GOLM2: variants seen among roughly 807,000 people sequenced by gnomAD.
GOLM2 encodes protein GOLM2.
In GOLM2, 26 loss-of-function variants were observed where a neutral mutation model predicts 55.9. The ratio of observed to expected loss-of-function variants is 0.47; its 90% CI spans 0.34 to 0.65. GOLM2 has a LOEUF of 0.65. Among genes scored for constraint, GOLM2 ranks in the 30% least tolerant of loss-of-function variants. The pLI, the probability that GOLM2 is intolerant of heterozygous loss-of-function variation, is 0.01. For missense variants in GOLM2, 486 were observed against 531.8 expected, an observed-to-expected ratio of 0.91 and a Z score of 0.85; for synonymous variants, 165 against 194.6, an observed-to-expected ratio of 0.85 and a Z score of 1.27.
intron 8 of GOLM2, among the ~76,000 whole-genome samples, chr15:44,385,002 T>C (rs2079432469): frequency 6.6e-6 from 1 of 152,194 alleles, no homozygotes; most frequent in African/African-American, 2.4e-5. Flanking sequence ...TGCTGTAGCA[T>C]GTAGCATCTA....
chr15:44,369,932 C>T (rs181733614), intron 6 of GOLM2, among the ~76,000 whole-genome samples: 10 of 152,218 alleles, frequency 6.6e-5, no homozygotes, highest in Admixed American at 5.2e-4. Flanking sequence ...CAAGGTCCCA[C>T]ATTAGGTTGT....
intron 1 of GOLM2, among the ~76,000 whole-genome samples, chr15:44,302,208 G>A (rs917400258): frequency 4.9e-5 from 7 of 144,082 alleles, no homozygotes; most frequent in East Asian, 2.2e-4. Flanking sequence ...GCAGTGTCAC[G>A]ATCTTGGCTC....
rs2079070435 is a variant in GOLM2, at chr15:44,338,287, G to A, written c.772G>A (p.Asp258Asn). The A allele has an allele frequency of 1.2e-6, 2 of 1,613,822 alleles. No individual in the cohort carries two copies. Among genetic ancestry groups the A allele is most frequent in the Non-Finnish European group, 1.7e-6 (2 of 1,179,802 alleles). The change falls in exon 6 of 10, where the codon GAC (aspartate) becomes AAC (asparagine). Residue 258 changes from aspartate to asparagine, a missense_variant. Asp to Asn is a conservative substitution (Grantham distance 23). Coordinates refer to ENST00000299957, the MANE Select transcript of GOLM2 (RefSeq NM_138423.4). ...DAGMPGIEEN[D>N]LAKVDDLPPA... ...AGGGATGCCTGGAATAGAAGAGAATGACCTAGCAAAAGTTGATGATCTTCC... is the reference window on the plus strand; with the variant it reads ...AGGGATGCCTGGAATAGAAGAGAATAACCTAGCAAAAGTTGATGATCTTCC...
chr15:44,331,009 G>T (rs1399617144), intron 3 of GOLM2, among the ~76,000 whole-genome samples: 2 of 151,826 alleles, frequency 1.3e-5, no homozygotes, highest in Non-Finnish European at 2.9e-5. Flanking sequence ...TTTTTGTTTT[G>T]TGTTTTGTGT....
At chr15:44,375,101 T>C (rs1039108986) in intron 6 of GOLM2, among the ~76,000 whole-genome samples, 2 of 152,002 alleles carry the variant, frequency 1.3e-5, no homozygotes, top group African/African-American at 4.8e-5. Flanking sequence ...CACTGCAACC[T>C]CCTCCACCTC....
At chr15:44,379,618 GTTTTTTTTTT>G in intron 6 of GOLM2, 62 bp from the exon 7 acceptor site, 1 of 428,370 alleles carries the variant, frequency 2.3e-6, no homozygotes, top group Non-Finnish European at 4.2e-6. Flanking sequence ...ATTCACGGTG[GTTTTTTTTTT>G]TTTTTTTTTT....
intron 1 of GOLM2, among the ~76,000 whole-genome samples, chr15:44,295,080 CTT>C (rs1188122757): frequency 2.8e-5 from 4 of 143,328 alleles, no homozygotes; most frequent in African/African-American, 2.5e-5. Context: ...ACATAAATTC[CTT>C]TTTTTTTTTT....
intron 1 of GOLM2, among the ~76,000 whole-genome samples, chr15:44,321,258 G>C (rs919136441): frequency 6.6e-6 from 1 of 151,974 alleles, no homozygotes; most frequent in Non-Finnish European, 1.5e-5. Context: ...GATTGCTTAA[G>C]CCCGGGAGTT....
chr15:44,312,914 A>G (rs1292925743), intron 1 of GOLM2, among the ~76,000 whole-genome samples: 1 of 152,134 alleles, frequency 6.6e-6, no homozygotes, highest in African/African-American at 2.4e-5. Flanking sequence ...CCCCATCTCT[A>G]CTAAAATACA....
At position 44,367,016 on chromosome 15, in the gene GOLM2, T is replaced by C. The variant is rs968887066; in HGVS notation, c.803-12674T>C. Reference sequence around the variant, plus strand: ...CAAATTGCCAGTCTTGATATTAAAATTATAATTAAAAATTTTTCTTAGATA... The same window carrying C: ...CAAATTGCCAGTCTTGATATTAAAACTATAATTAAAAATTTTTCTTAGATA... On this transcript the variant is annotated intron_variant, in intron 6 of 9. Coordinates refer to ENST00000299957, the MANE Select transcript of GOLM2 (RefSeq NM_138423.4). Among the ~76,000 whole-genome samples, 3 of 152,114 alleles carry C rather than the reference T, an allele frequency of 2.0e-5. 1 individual carries two copies. The highest frequency in any genetic ancestry group is 4.4e-5 in the Non-Finnish European group (3 of 68,030).
At chr15:44,357,910 T>C (rs1232782391) in intron 6 of GOLM2, among the ~76,000 whole-genome samples, 2 of 152,160 alleles carry the variant, frequency 1.3e-5, no homozygotes, top group African/African-American at 4.8e-5. Flanking sequence ...AAGAATTAAA[T>C]AAATGGAGAG....
intron 1 of GOLM2, among the ~76,000 whole-genome samples, chr15:44,303,532 GA>G (rs567007576): frequency 1.3e-5 from 2 of 151,898 alleles, no homozygotes; most frequent in Non-Finnish European, 2.9e-5. Context: ...GGGATATAAT[GA>G]AAAAAAGTTT....
At chr15:44,328,141 A>G (rs183723812) in intron 2 of GOLM2, among the ~76,000 whole-genome samples, 9 of 152,322 alleles carry the variant, frequency 5.9e-5, no homozygotes, top group Admixed American at 1.3e-4. Flanking sequence ...TTTAAAGAAT[A>G]TTTTGGGTTG....
rs565484478 is a variant in GOLM2 at position 44,312,947 on chromosome 15, C to T, written c.328-10018C>T. The stretch of plus-strand genomic sequence containing the variant: ...ACAAAAAATTAGCTGGGCGTGGTGG[C>T]GTGCTCCTGTAATCCCAGCTACTTG... On this transcript the variant is annotated intron_variant, in intron 1 of 9. Coordinates refer to ENST00000299957, the MANE Select transcript of GOLM2 (RefSeq NM_138423.4). Among the ~76,000 whole-genome samples the T allele has an allele frequency of 7.2e-5, 11 of 152,208 alleles. No homozygotes were observed. The South Asian group carries it at 1.2e-3, about 17-fold the overall frequency.
chr15:44,292,472 A>G (rs1567017785), intron 1 of GOLM2, among the ~76,000 whole-genome samples: 1 of 152,164 alleles, frequency 6.6e-6, no homozygotes, highest in Non-Finnish European at 1.5e-5. Flanking sequence ...CTGAGATTAC[A>G]GGCGTGAGCC....
At chr15:44,399,759 C>T (rs1276828479) in intron 8 of GOLM2, among the ~76,000 whole-genome samples, 1 of 152,110 alleles carries the variant, frequency 6.6e-6, no homozygotes, top group African/African-American at 2.4e-5. Flanking sequence ...CTTTGGGAGG[C>T]CGAGGCGGGC....
chr15:44,363,353 A>G (rs1024222679), intron 6 of GOLM2, among the ~76,000 whole-genome samples: 3 of 150,720 alleles, frequency 2.0e-5, no homozygotes, highest in Non-Finnish European at 3.0e-5. Flanking sequence ...ACAAGAAAAA[A>G]ACAAACAACC....
At chr15:44,368,457 GTTTTGTTTAGAT>G (rs2079301526) in intron 6 of GOLM2, among the ~76,000 whole-genome samples, 1 of 151,874 alleles carries the variant, frequency 6.6e-6, no homozygotes, top group South Asian at 2.1e-4. Context: ...CATCACTGAA[GTTTTGTTTAGAT>G]TTTTGTAATA....
intron 8 of GOLM2, among the ~76,000 whole-genome samples, chr15:44,382,574 G>A (rs1040568350): frequency 5.9e-5 from 9 of 152,006 alleles, no homozygotes; most frequent in East Asian, 1.9e-4. Context: ...TGATCCGCCC[G>A]CCTCGGCCTC....
Sources: allele counts gnomAD v4.1 joint callset (sites outside exome capture counted in the v4.1 genomes callset), GRCh38; gene constraint gnomAD v4.1.1; transcripts MANE v1.5; gene names NCBI Gene and HGNC (gene_info 2026-07-23, HGNC 2026-07-21).